The following RNF217 variants were observed in gnomAD, a reference collection of about 807,000 sequenced individuals.
The protein encoded by RNF217 is E3 ubiquitin-protein ligase RNF217.
RNF217 carries 31 observed loss-of-function variants against 57.8 expected under a neutral mutation model. The ratio of observed to expected loss-of-function variants is 0.54; its 90% CI spans 0.40 to 0.72. The LOEUF is 0.72. Ranked by LOEUF, RNF217 falls within the 30% of genes least tolerant of loss-of-function variation. The probability of loss-of-function intolerance (pLI) is 0.00; values close to 1 mark genes in which losing one functional copy is unlikely to be tolerated. For synonymous variants in RNF217, 313 were observed against 294.0 expected (o/e 1.06, Z -0.66); for missense variants, 696 against 708.3 (o/e 0.98, Z 0.20).
At chr6:125,037,465 T>C (rs1164453466) in intron 1 of RNF217, among the ~76,000 whole-genome samples, 1 of 152,316 alleles carries the variant, frequency 6.6e-6, no homozygotes, top group East Asian at 1.9e-4. Flanking sequence ...TTGTACTGTA[T>C]TTATCTTGCT....
At chr6:125,073,440 T>G (rs978748180) in intron 3 of RNF217, among the ~76,000 whole-genome samples, 2 of 152,170 alleles carry the variant, frequency 1.3e-5, no homozygotes, top group African/African-American at 4.8e-5. Flanking sequence ...TAAGTTGGAT[T>G]ATTTTGCTTA....
At chr6:125,035,502 A>T (rs1416852778) in intron 1 of RNF217, among the ~76,000 whole-genome samples, 1 of 152,128 alleles carries the variant, frequency 6.6e-6, no homozygotes, top group Non-Finnish European at 1.5e-5. Flanking sequence ...TATTTTTCTT[A>T]TGGGTTTGTT....
chr6:125,051,287 A>G (rs1787306391), intron 2 of RNF217, among the ~76,000 whole-genome samples: 1 of 151,840 alleles, frequency 6.6e-6, no homozygotes, highest in Non-Finnish European at 1.5e-5. Context: ...TCCTATTGTC[A>G]TTGGGTCTTT....
chr6:125,011,796 C>T (rs1785424031), intron 1 of RNF217, among the ~76,000 whole-genome samples: 1 of 151,678 alleles, frequency 6.6e-6, no homozygotes, highest in Non-Finnish European at 1.5e-5. Flanking sequence ...CTTTTCTTTT[C>T]TTTGCTCATT....
At chr6:125,035,925 A>G (rs915620072) in intron 1 of RNF217, among the ~76,000 whole-genome samples, 1 of 151,184 alleles carries the variant, frequency 6.6e-6, no homozygotes, top group Admixed American at 6.6e-5. Context: ...TTATTTTATT[A>G]TATTTTAAGT....
chr6:125,024,888 G>T (rs1239937093), intron 1 of RNF217, among the ~76,000 whole-genome samples: 4 of 152,122 alleles, frequency 2.6e-5, no homozygotes, highest in Non-Finnish European at 5.9e-5. Flanking sequence ...GTTTTAACAT[G>T]TGGGAGCTTG....
intron 1 of RNF217, among the ~76,000 whole-genome samples, chr6:124,984,266 G>T (rs1243836538): frequency 6.6e-6 from 1 of 152,128 alleles, no homozygotes; most frequent in Non-Finnish European, 1.5e-5. Flanking sequence ...AAATAGAGTG[G>T]CCAGGCATAG....
chr6:125,011,957 A>G (rs764441747), intron 1 of RNF217, among the ~76,000 whole-genome samples: 1 of 151,922 alleles, frequency 6.6e-6, no homozygotes, highest in Non-Finnish European at 1.5e-5. Context: ...CCCCACCAGG[A>G]GGGGCTGGCC....
At chr6:125,070,279 A>G (rs1041513261) in intron 3 of RNF217, among the ~76,000 whole-genome samples, 3 of 152,144 alleles carry the variant, frequency 2.0e-5, no homozygotes, top group Admixed American at 6.5e-5. Flanking sequence ...GATTGGTTCC[A>G]CATCTTTGCA....
chr6:125,063,783 G>A (rs1370455840), intron 3 of RNF217, among the ~76,000 whole-genome samples: 3 of 151,986 alleles, frequency 2.0e-5, no homozygotes, highest in African/African-American at 7.3e-5. Context: ...TGCAGAACCA[G>A]TTTCAGAGAG....
chr6:124,974,184 G>A (rs900100645), intron 1 of RNF217, among the ~76,000 whole-genome samples: 1 of 152,314 alleles, frequency 6.6e-6, no homozygotes, highest in East Asian at 1.9e-4. Context: ...AAGGGGAAGG[G>A]ACATTGACCT....
intron 1 of RNF217, among the ~76,000 whole-genome samples, chr6:124,970,990 A>G (rs1422872086): frequency 1.3e-5 from 2 of 152,192 alleles, no homozygotes; most frequent in Non-Finnish European, 2.9e-5. Context: ...ATTGGCAGCC[A>G]TGGGATGGTT....
chr6:125,055,943 A>G (rs1010053445), intron 2 of RNF217, among the ~76,000 whole-genome samples: 4 of 152,290 alleles, frequency 2.6e-5, no homozygotes, highest in African/African-American at 9.6e-5. Flanking sequence ...AAAGGAAAAC[A>G]GTTATTTTAA....
chr6:125,004,760 G>A (rs1785110730), intron 1 of RNF217, among the ~76,000 whole-genome samples: 1 of 152,184 alleles, frequency 6.6e-6, no homozygotes, highest in Admixed American at 6.5e-5. Context: ...TAATTCTGGT[G>A]TGTTTCTTAG....
intron 1 of RNF217, among the ~76,000 whole-genome samples, chr6:124,973,391 A>G (rs373205230): frequency 4.0e-4 from 61 of 152,210 alleles, no homozygotes; most frequent in African/African-American, 1.4e-3. Context: ...CCACCACTGT[A>G]TTTACCTCTT....
At chr6:125,043,270 G>A (rs769818815) in intron 1 of RNF217, among the ~76,000 whole-genome samples, 2 of 151,922 alleles carry the variant, frequency 1.3e-5, no homozygotes, top group Non-Finnish European at 2.9e-5. Flanking sequence ...TTTCCTCCAG[G>A]CCTTTGCCCA....
chr6:125,045,345 T>C lies in RNF217; in HGVS notation c.1017T>C (p.Ile339=). 1 of 1,613,480 alleles carries C rather than the reference T, an allele frequency of 6.2e-7. No individual in the cohort carries two copies. The highest frequency in any genetic ancestry group is 8.5e-7 in the Non-Finnish European group (1 of 1,179,684). Residue 339 remains isoleucine, a synonymous_variant, in exon 2 of 6, where the codon ATT becomes ATC. Coordinates refer to ENST00000521654, the MANE Select transcript of RNF217 (RefSeq NM_001286398.3). ...KYKYFLELGR[I]DSSTKPCPQC... is the part of the protein sequence containing the mutation. ...AGTACTTCTTGGAACTTGGCCGTATTGATTCCAGCACCAAGCCATGTCCTC... is the reference window on the plus strand; with the variant it reads ...AGTACTTCTTGGAACTTGGCCGTATCGATTCCAGCACCAAGCCATGTCCTC...
intron 1 of RNF217, among the ~76,000 whole-genome samples, chr6:124,978,246 C>G (rs139408927): frequency 5.3e-5 from 8 of 152,070 alleles, no homozygotes; most frequent in Non-Finnish European, 1.2e-4. Flanking sequence ...AGTCAGAAAT[C>G]TCTTTGGCCA....
intron 4 of RNF217, among the ~76,000 whole-genome samples, chr6:125,077,154 G>A (rs1435022140): frequency 1.3e-5 from 2 of 152,034 alleles, no homozygotes; most frequent in Admixed American, 6.6e-5. Flanking sequence ...CTTAACAAGA[G>A]GGGCAGTGTC....
Sources: allele counts gnomAD v4.1 joint callset (sites outside exome capture counted in the v4.1 genomes callset), GRCh38; gene constraint gnomAD v4.1.1; transcripts MANE v1.5; gene names NCBI Gene and HGNC (gene_info 2026-07-23, HGNC 2026-07-21).